Variants in DCC observed in about 807,000 individuals in gnomAD.
DCC encodes the protein netrin receptor DCC.
Under a neutral mutation model 172.5 loss-of-function variants are expected in DCC, and 58 were observed. The ratio of observed to expected loss-of-function variants is 0.34; its 90% confidence interval spans 0.27 to 0.42. The LOEUF is 0.42. Among genes scored for constraint, DCC ranks in the 10% least tolerant of loss-of-function variants. The pLI is 1.00. For missense variants in DCC, 1,740 were observed against 1,791.0 expected, an observed-to-expected ratio of 0.97 and a Z score of 0.51; for synonymous variants, 709 against 644.5, an observed-to-expected ratio of 1.10 and a Z score of -1.52.
intron 14 of DCC, among the ~76,000 whole-genome samples, chr18:53,336,205 A>G (rs1328583330): frequency 6.6e-6 from 1 of 152,206 alleles, no homozygotes; most frequent in Non-Finnish European, 1.5e-5. Context: ...TGTTTCATGT[A>G]CTTCTGAGCA....
At chr18:52,456,698 T>A (rs532871430) in intron 1 of DCC, among the ~76,000 whole-genome samples, 3 of 152,334 alleles carry the variant, frequency 2.0e-5, no homozygotes, top group South Asian at 2.1e-4. Context: ...TGCTTAAAGC[T>A]GATGACGGTG....
intron 1 of DCC, among the ~76,000 whole-genome samples, chr18:52,518,983 C>G (rs976224687): frequency 1.3e-5 from 2 of 152,210 alleles, no homozygotes; most frequent in Admixed American, 1.3e-4. Flanking sequence ...TAACCATGTC[C>G]TCTGAGTTGA....
chr18:52,370,096 T>C (rs1282465664), intron 1 of DCC, among the ~76,000 whole-genome samples: 1 of 150,716 alleles, frequency 6.6e-6, no homozygotes. Flanking sequence ...CCAGCATCTG[T>C]TGTTTCTTGA....
intron 2 of DCC, among the ~76,000 whole-genome samples, chr18:52,767,893 C>T (rs2037279908): frequency 6.6e-6 from 1 of 152,126 alleles, no homozygotes; most frequent in Non-Finnish European, 1.5e-5. Flanking sequence ...CAGATAATGC[C>T]TCCCCAGTAA....
intron 12 of DCC, among the ~76,000 whole-genome samples, chr18:53,301,286 T>C (rs777676302): frequency 7.9e-5 from 12 of 151,830 alleles, no homozygotes; most frequent in African/African-American, 2.9e-4. Flanking sequence ...ATGGGGTTTC[T>C]CCATGCTGGT....
At chr18:53,511,166 G>C (rs958335503) in intron 27 of DCC, among the ~76,000 whole-genome samples, 1 of 152,170 alleles carries the variant, frequency 6.6e-6, no homozygotes, top group South Asian at 2.1e-4. Context: ...TGGGACAAAG[G>C]TTACCTGTTT....
At chr18:53,018,175 TAAG>T (rs1047849952) in intron 5 of DCC, among the ~76,000 whole-genome samples, 17 of 152,104 alleles carry the variant, frequency 1.1e-4, no homozygotes, top group African/African-American at 2.2e-4. Flanking sequence ...TTAATAATAA[TAAG>T]AAGTTACAAA....
At chr18:53,188,776 C>T (rs752164124) in intron 9 of DCC, among the ~76,000 whole-genome samples, 2 of 152,144 alleles carry the variant, frequency 1.3e-5, no homozygotes, top group Admixed American at 6.5e-5. Flanking sequence ...AAAAATCCTT[C>T]CTTGCCTCTT....
intron 1 of DCC, among the ~76,000 whole-genome samples, chr18:52,640,082 C>T (rs952730534): frequency 6.6e-6 from 1 of 151,950 alleles, no homozygotes; most frequent in African/African-American, 2.4e-5. Flanking sequence ...ATGTGATACA[C>T]CTCATAAACA....
At chr18:53,351,405 A>ATATATATACACTGTG (rs1568075127) in intron 15 of DCC, among the ~76,000 whole-genome samples, 5 of 12,000 alleles carry the variant, frequency 4.2e-4, no homozygotes, top group Non-Finnish European at 9.5e-4. Flanking sequence ...TACAGTGTAT[A>ATATATATACACTGTG]TATATATATA....
intron 1 of DCC, among the ~76,000 whole-genome samples, chr18:52,731,178 C>T (rs528339768): frequency 7.6e-4 from 115 of 152,256 alleles, no homozygotes; most frequent in African/African-American, 2.5e-3. Context: ...GATTGAAGCG[C>T]TTTGCTTGTC....
intron 1 of DCC, among the ~76,000 whole-genome samples, chr18:52,636,977 C>A (rs754983166): frequency 6.6e-6 from 1 of 152,194 alleles, no homozygotes; most frequent in African/African-American, 2.4e-5. Context: ...GACCCATAGA[C>A]GGTTCACATC....
chr18:53,293,102 G>A (rs1402924464), intron 12 of DCC, among the ~76,000 whole-genome samples: 1 of 152,160 alleles, frequency 6.6e-6, no homozygotes, highest in Non-Finnish European at 1.5e-5. Flanking sequence ...ACTAGGGAGA[G>A]ATAATGTTGT....
At chr18:53,217,076 T>C (rs887039481) in intron 12 of DCC, among the ~76,000 whole-genome samples, 2 of 152,116 alleles carry the variant, frequency 1.3e-5, no homozygotes, top group Non-Finnish European at 2.9e-5. Context: ...TAGAAATTGA[T>C]ATACAAGCTA....
At chr18:53,075,287 A>T (rs1424440019) in intron 7 of DCC, among the ~76,000 whole-genome samples, 1 of 152,180 alleles carries the variant, frequency 6.6e-6, no homozygotes, top group Non-Finnish European at 1.5e-5. Context: ...ATGTAGGCAG[A>T]GGTTTCTCAG....
At chr18:53,070,246 T>C (rs183716149) in intron 7 of DCC, among the ~76,000 whole-genome samples, 1 of 152,120 alleles carries the variant, frequency 6.6e-6, no homozygotes, top group African/African-American at 2.4e-5. Flanking sequence ...GTGATCCACC[T>C]GTCTCGGCCT....
At chr18:52,448,594 G>A (rs1988202101) in intron 1 of DCC, among the ~76,000 whole-genome samples, 2 of 152,134 alleles carry the variant, frequency 1.3e-5, no homozygotes, top group African/African-American at 2.4e-5. Context: ...GAAATGGTTA[G>A]GTAGGTGGGT....
chr18:53,015,971 T>C (rs1045454868), intron 5 of DCC, among the ~76,000 whole-genome samples: 2 of 152,158 alleles, frequency 1.3e-5, no homozygotes, highest in African/African-American at 4.8e-5. Flanking sequence ...GTGGAATTCA[T>C]TAAGTATAAG....
intron 5 of DCC, among the ~76,000 whole-genome samples, chr18:53,040,609 T>G (rs1320532185): frequency 1.3e-5 from 2 of 152,084 alleles, no homozygotes; most frequent in East Asian, 3.9e-4. Flanking sequence ...TCTATAAGAT[T>G]GCAGAATTTG....
Sources: allele counts gnomAD v4.1 joint callset (sites outside exome capture counted in the v4.1 genomes callset), GRCh38; gene constraint gnomAD v4.1.1; transcripts MANE v1.5; gene names NCBI Gene and HGNC (gene_info 2026-07-23, HGNC 2026-07-21).